Variants in CHM observed in about 807,000 individuals in gnomAD.
CHM encodes the protein CHM Rab escort protein.
CHM carries 10 observed loss-of-function variants against 49.0 expected under a neutral mutation model. That is an observed-to-expected ratio of 0.20 (90% CI 0.13 to 0.35). The LOEUF (loss-of-function observed/expected upper bound fraction) is 0.35, where lower values mean the gene tolerates loss of function less well. Ranked by LOEUF, CHM falls within the 10% of genes least tolerant of loss-of-function variation. The pLI is 1.00. For missense variants in CHM, 455 were observed against 478.4 expected (o/e 0.95, Z 0.46); for synonymous variants, 184 against 167.5 (o/e 1.10, Z -0.76).
intron 2 of CHM, among the ~76,000 whole-genome samples, chrX:86,010,902 C>T (rs891422889): frequency 9.0e-6 from 1 of 111,482 alleles, no homozygotes; most frequent in African/African-American, 3.3e-5. Flanking sequence ...ACTGGGCTCA[C>T]CTCAACTTTC....
chrX:85,924,279 C>T (rs1927961927), intron 8 of CHM, among the ~76,000 whole-genome samples: 1 of 111,255 alleles, frequency 9.0e-6, no homozygotes, highest in East Asian at 2.8e-4. Context: ...TGGCAGTGCA[C>T]ATGAAGAAGT....
rs1490472173 is a variant in CHM, at chrX:85,959,196, T to C, written c.703-219A>G. ...AATCCATAAGTTTTTACAAAACATG[T>C]TTAGCAGCAAAACCTGATCCATACT... is the stretch of plus-strand genomic sequence containing the variant. On this transcript the variant is annotated intron_variant, in intron 5 of 14. Coordinates refer to ENST00000357749, the MANE Select transcript of CHM (RefSeq NM_000390.4). Among the ~76,000 whole-genome samples the C allele has an allele frequency of 3.6e-5, 4 of 111,569 alleles. No individual in the cohort carries two copies. The East Asian group carries it at 8.4e-4, about 23-fold the overall frequency.
At chrX:85,925,455 T>C (rs1364971780) in intron 8 of CHM, among the ~76,000 whole-genome samples, 3 of 111,725 alleles carry the variant, frequency 2.7e-5, no homozygotes, top group Non-Finnish European at 5.6e-5. Flanking sequence ...ATCTTTATTA[T>C]CTGCCACAGA....
In CHM at chrX:85,980,409, C is replaced by A. The variant is rs765561760; in HGVS notation, c.189+1328G>T. ...TACAAATACTGCTTGTTTCTCTATA[C>A]TCATTTCATGCAACAATATTCAAAC... On this transcript the variant is annotated intron_variant, in intron 3 of 14. Coordinates refer to ENST00000357749, the MANE Select transcript of CHM (RefSeq NM_000390.4). Among the ~76,000 whole-genome samples, 4 of 112,304 alleles carry A rather than the reference C, an allele frequency of 3.6e-5. No homozygotes were observed. The South Asian group carries it at 1.5e-3, about 41-fold the overall frequency.
At chrX:85,960,936 G>C (rs1438564928) in intron 5 of CHM, among the ~76,000 whole-genome samples, 5 of 111,528 alleles carry the variant, frequency 4.5e-5, no homozygotes, top group Non-Finnish European at 9.4e-5. Context: ...ATTAGTCTGA[G>C]CAGTATGACA....
intron 2 of CHM, among the ~76,000 whole-genome samples, chrX:86,024,235 A>G (rs1399536030): frequency 1.8e-5 from 2 of 112,422 alleles, no homozygotes; most frequent in Non-Finnish European, 3.8e-5. Flanking sequence ...AGCTACTGCA[A>G]ATTTCAGCAT....
chrX:86,031,143 A>C (rs929928861), intron 1 of CHM, among the ~76,000 whole-genome samples: 1 of 111,421 alleles, frequency 9.0e-6, no homozygotes, highest in African/African-American at 3.3e-5. Flanking sequence ...AGAATCAAAA[A>C]GTGGAATGGT....
In CHM at chrX:86,016,312, T is replaced by C. The variant is rs150727504; in HGVS notation, c.116+11179A>G. ...TTTGCATAAGTAACTAGGAGCCCAA[T>C]GTTAATCCCCAAGACAATGGGGAAA... On this transcript the variant is annotated intron_variant, in intron 2 of 14. Coordinates refer to ENST00000357749, the MANE Select transcript of CHM (RefSeq NM_000390.4). Among the ~76,000 whole-genome samples, 15 of 111,034 alleles carry C rather than the reference T, an allele frequency of 1.4e-4. 1 individual carries two copies. In the East Asian group the frequency reaches 4.0e-3, roughly 30 times the overall value.
At chrX:85,956,964 G>A (rs1177403084) in intron 7 of CHM, among the ~76,000 whole-genome samples, 2 of 111,318 alleles carry the variant, frequency 1.8e-5, no homozygotes, top group African/African-American at 6.5e-5. Flanking sequence ...ACTGTTAGTG[G>A]TGGGAAATAA....
chrX:86,025,340 A>G (rs145772572), intron 2 of CHM, among the ~76,000 whole-genome samples: 10 of 111,534 alleles, frequency 9.0e-5, no homozygotes, highest in Non-Finnish European at 1.5e-4. Context: ...AGTAAACCCA[A>G]TTTGATTTGT....
At chrX:85,866,480 C>T (rs1260308577) in intron 14 of CHM, among the ~76,000 whole-genome samples, 2 of 112,817 alleles carry the variant, frequency 1.8e-5, no homozygotes, top group African/African-American at 6.4e-5. Flanking sequence ...TCTGCTAGGG[C>T]AGTGCTGAAG....
chrX:85,875,435 G>A (rs1924351105), intron 13 of CHM, among the ~76,000 whole-genome samples: 1 of 111,653 alleles, frequency 9.0e-6, no homozygotes, highest in African/African-American at 3.2e-5. Context: ...ATTTAGAATA[G>A]GGTCTTGGGC....
intron 8 of CHM, among the ~76,000 whole-genome samples, chrX:85,921,423 T>C (rs1569413995): frequency 9.0e-6 from 1 of 111,527 alleles, no homozygotes; most frequent in East Asian, 2.8e-4. Flanking sequence ...TTCCAAAGGG[T>C]AGTATGCAGC....
intron 9 of CHM, among the ~76,000 whole-genome samples, chrX:85,901,424 C>T (rs915062614): frequency 9.0e-6 from 1 of 110,926 alleles, no homozygotes; most frequent in African/African-American, 3.3e-5. Context: ...ACAACTTAAA[C>T]ATGTATTTTG....
intron 12 of CHM, among the ~76,000 whole-genome samples, chrX:85,892,076 T>A (rs1273780683): frequency 1.8e-5 from 2 of 111,946 alleles, no homozygotes; most frequent in Non-Finnish European, 3.8e-5. Flanking sequence ...TTGGAATGGC[T>A]GTATTTATCC....
chrX:86,023,624 C>G (rs1385437145), intron 2 of CHM, among the ~76,000 whole-genome samples: 1 of 111,448 alleles, frequency 9.0e-6, no homozygotes, highest in African/African-American at 3.3e-5. Context: ...TTCTTAACAT[C>G]TAGCACAATT....
In CHM at chrX:86,031,793, T is replaced by C. The variant is rs921038695; in HGVS notation, c.50-4236A>G. Among the ~76,000 whole-genome samples, 13 of 111,083 alleles carry C rather than the reference T, an allele frequency of 1.2e-4. No individual in the cohort carries two copies. In the Admixed American group the frequency reaches 1.2e-3, roughly 11 times the overall value. On this transcript the variant is annotated intron_variant, in intron 1 of 14. Transcript: ENST00000357749. ...AGGCAAAGGTTGCGGTGAGCCAAGA[T>C]CGCACCATTGCACTCCAGCCTGGGC...
intron 4 of CHM, among the ~76,000 whole-genome samples, chrX:85,965,822 TG>T (rs758675657): frequency 1.4e-4 from 16 of 111,336 alleles, no homozygotes; most frequent in African/African-American, 4.9e-4. Flanking sequence ...ATATCATTAA[TG>T]TTACATGAAT....
At chrX:85,945,602 T>C (rs1367422886) in intron 8 of CHM, among the ~76,000 whole-genome samples, 8 of 105,747 alleles carry the variant, frequency 7.6e-5, no homozygotes, top group Non-Finnish European at 1.4e-4. Context: ...TGTAAGCCAA[T>C]TAAACCTCTT....
Sources: gnomAD v4.1 joint callset for allele counts (sites outside exome capture counted in the v4.1 genomes callset) on GRCh38, gnomAD v4.1.1 for gene constraint, MANE v1.5 for transcripts, NCBI Gene and HGNC (gene_info 2026-07-23, HGNC 2026-07-21) for gene names.